RSPRY1: variants seen among roughly 807,000 people sequenced by gnomAD.
RSPRY1 encodes the protein RING finger and SPRY domain-containing protein 1.
In RSPRY1, 23 loss-of-function variants were observed where a neutral mutation model predicts 73.1. The observed-to-expected ratio is 0.31, with a 90% CI of 0.23 to 0.45. The LOEUF (loss-of-function observed/expected upper bound fraction) is 0.45, where lower values mean the gene tolerates loss of function less well. Ranked by LOEUF, RSPRY1 falls within the 20% of genes least tolerant of loss-of-function variation. RSPRY1 has a pLI of 1.00. For synonymous variants in RSPRY1, 226 were observed against 251.4 expected, an observed-to-expected ratio of 0.90 and a Z score of 0.95; for missense variants, 448 against 698.7, an observed-to-expected ratio of 0.64 and a Z score of 4.05.
intron 1 of RSPRY1, among the ~76,000 whole-genome samples, chr16:57,192,718 T>TC (rs202092058): frequency 0.035 from 5,233 of 148,758 alleles, 108 homozygotes; most frequent in Middle Eastern, 0.1. Context: ...CTTTTTTTTT[T>TC]TTTTTTTTTT....
Position 57,209,457 on chromosome 16 carries a change from G to A in RSPRY1, c.516+270G>A, listed in dbSNP as rs566259098. ...TGGCTCACTGCAACCTCCGCCTCCC[G>A]GGTCCAAGCGATTCTCCTGCCTCAG... On this transcript the variant is annotated intron_variant, in intron 4 of 14. Transcript: ENST00000394420. Among the ~76,000 whole-genome samples the A allele has an allele frequency of 4.7e-4, 71 of 151,672 alleles. 1 individual carries two copies. The highest frequency in any genetic ancestry group is 1.4e-3 in the African/African-American group (59 of 41,328).
intron 4 of RSPRY1, among the ~76,000 whole-genome samples, chr16:57,210,549 C>T (rs1306304344): frequency 2.0e-5 from 3 of 151,568 alleles, no homozygotes; most frequent in Admixed American, 2.0e-4. Flanking sequence ...CTAAAATACC[C>T]CGTCTCTACT....
chr16:57,200,057 CCA>C (rs777571071), intron 1 of RSPRY1, among the ~76,000 whole-genome samples: 2 of 147,610 alleles, frequency 1.4e-5, no homozygotes, highest in Non-Finnish European at 3.0e-5. Context: ...CTGCGGCCTT[CCA>C]CAGTGTTTGT....
chr16:57,215,128 G>A (rs2074916225), intron 6 of RSPRY1, among the ~76,000 whole-genome samples: 2 of 152,110 alleles, frequency 1.3e-5, no homozygotes, highest in African/African-American at 4.8e-5. Context: ...CCCTCAGCTG[G>A]GTCATGCTAT....
At chr16:57,226,025 C>T (rs745358618) in intron 10 of RSPRY1, among the ~76,000 whole-genome samples, 5 of 152,052 alleles carry the variant, frequency 3.3e-5, no homozygotes, top group Non-Finnish European at 7.4e-5. Flanking sequence ...TTGTGGTGAG[C>T]CAAGATCGCG....
chr16:57,234,511 T>C (rs1282463592), intron 13 of RSPRY1, among the ~76,000 whole-genome samples: 2 of 152,234 alleles, frequency 1.3e-5, no homozygotes, highest in African/African-American at 2.4e-5. Flanking sequence ...TCTCTAGGGC[T>C]TGGAACAGTG....
chr16:57,212,882 G>T, intron 4 of RSPRY1, 90 bp from the exon 5 acceptor site: 1 of 1,428,364 alleles, frequency 7.0e-7, no homozygotes, highest in Non-Finnish European at 9.5e-7. Flanking sequence ...CAAAGTGCTG[G>T]TTATAGCTTT....
intron 11 of RSPRY1, among the ~76,000 whole-genome samples, chr16:57,228,852 C>T (rs533782283): frequency 4.6e-5 from 7 of 152,114 alleles, no homozygotes; most frequent in African/African-American, 1.7e-4. Context: ...ACCACCACGC[C>T]CGGCTAATTT....
chr16:57,208,044 ATT>A lies in RSPRY1; in HGVS notation c.351-6_351-5del. 1 of 1,529,276 alleles carries A rather than the reference ATT, an allele frequency of 6.5e-7. No individual in the cohort carries two copies. Among genetic ancestry groups the A allele is most frequent in the Non-Finnish European group, 8.9e-7 (1 of 1,120,154 alleles). 94.7% of individuals were successfully genotyped at this position (1,529,276 alleles called of 1,614,324 possible). On this transcript the variant is annotated splice_polypyrimidine_tract_variant and intron_variant, in intron 2 of 14. Transcript: ENST00000394420. ...TATTTCCTCAGGTTTAATGCCTTGA[ATT>A]TTTTTTTCCAGTGATCAGGAACCTC...
rs2074885267 is a variant in RSPRY1, at chr16:57,213,556, AT to A, written c.644-328del. 2.6e-5 allele frequency among the ~76,000 whole-genome samples: 4 copies of A among 152,336 alleles called. No individual in the cohort carries two copies. The South Asian group carries it at 8.3e-4, about 32-fold the overall frequency. ...TTTAATTTGTTTATGAATGTTACCC[AT>A]TTTAAGAAAGTTAACAGCAAAGTAC... On this transcript the variant is annotated intron_variant, in intron 5 of 14. Transcript: ENST00000394420.
At chr16:57,210,210 C>T (rs1409716897) in intron 4 of RSPRY1, among the ~76,000 whole-genome samples, 2 of 151,660 alleles carry the variant, frequency 1.3e-5, no homozygotes, top group Non-Finnish European at 2.9e-5. Flanking sequence ...TCCCATGTTG[C>T]TGGACTACAG....
At chr16:57,212,031 G>A (rs2074853146) in intron 4 of RSPRY1, among the ~76,000 whole-genome samples, 1 of 152,190 alleles carries the variant, frequency 6.6e-6, no homozygotes, top group Non-Finnish European at 1.5e-5. Context: ...CTCTGTTGGG[G>A]CAGGGTGCAG....
rs552468705 is a variant in RSPRY1, at chr16:57,225,319, G to GA, written c.1162-2020dup. 2.0e-5 allele frequency among the ~76,000 whole-genome samples: 3 copies of GA among 152,208 alleles called. No individual in the cohort carries two copies. In the South Asian group the frequency reaches 6.2e-4, roughly 31 times the overall value. On this transcript the variant is annotated intron_variant, in intron 10 of 14. Transcript: ENST00000394420. The stretch of plus-strand genomic sequence containing the variant: ...CAAGTGATCTGCCCCCCAAAGTGCT[G>GA]AAATTACAGGCATGAGCCACTGCTC...
intron 1 of RSPRY1, among the ~76,000 whole-genome samples, chr16:57,201,951 AAG>A (rs1275432358): frequency 3.3e-5 from 5 of 151,762 alleles, no homozygotes; most frequent in East Asian, 1.9e-4. Context: ...AGACCGTGGA[AAG>A]AGAGAGAGAG....
At chr16:57,210,067 C>T (rs1206957532) in intron 4 of RSPRY1, among the ~76,000 whole-genome samples, 1 of 142,646 alleles carries the variant, frequency 7.0e-6, no homozygotes, top group African/African-American at 2.6e-5. Flanking sequence ...TCCTCCCTTC[C>T]TTCCTTCTTT....
At chr16:57,197,160 C>G (rs550627513) in intron 1 of RSPRY1, among the ~76,000 whole-genome samples, 1 of 152,056 alleles carries the variant, frequency 6.6e-6, no homozygotes, top group Admixed American at 6.6e-5. Flanking sequence ...AAAAAATTGT[C>G]TAAAGTGTAA....
intron 1 of RSPRY1, among the ~76,000 whole-genome samples, chr16:57,196,000 G>A (rs1289745858): frequency 4.3e-5 from 6 of 140,372 alleles, no homozygotes; most frequent in South Asian, 2.3e-4. Flanking sequence ...CCAGCCTGGC[G>A]ACAGAGTGAG....
Position 57,216,370 on chromosome 16 carries a change from A to G in RSPRY1, c.769+197A>G, listed in dbSNP as rs2074940381. 5.9e-6 allele frequency: 3 copies of G among 508,828 alleles called. No homozygotes were observed. In the South Asian group the frequency reaches 9.4e-5, roughly 16 times the overall value. 31.5% of individuals were successfully genotyped at this position (508,828 alleles called of 1,614,324 possible). On this transcript the variant is annotated intron_variant, in intron 7 of 14. Transcript: ENST00000394420. ...AGGATTTTCTCACCTAAGAATCAAA[A>G]CTTGGTAACCATGTTTACTCACTTT...
At chr16:57,208,823 G>C (rs1370846499) in intron 3 of RSPRY1, among the ~76,000 whole-genome samples, 1 of 152,188 alleles carries the variant, frequency 6.6e-6, no homozygotes, top group East Asian at 1.9e-4. Context: ...CTATTTTAAT[G>C]TGAGAGCACA....
Sources: gnomAD v4.1 joint callset for allele counts (sites outside exome capture counted in the v4.1 genomes callset) on GRCh38, gnomAD v4.1.1 for gene constraint, MANE v1.5 for transcripts, NCBI Gene and HGNC (gene_info 2026-07-23, HGNC 2026-07-21) for gene names.